MLXIP: variants seen among roughly 807,000 people sequenced by gnomAD.
MLXIP encodes MLX interacting protein, also known as MLX-interacting protein.
MLXIP carries 30 observed loss-of-function variants against 87.2 expected under a neutral mutation model. The ratio of observed to expected loss-of-function variants is 0.34; its 90% CI spans 0.26 to 0.47. The LOEUF (loss-of-function observed/expected upper bound fraction) is 0.47, where lower values mean the gene tolerates loss of function less well. Ranked by LOEUF, MLXIP falls within the 20% of genes least tolerant of loss-of-function variation. MLXIP has a pLI of 1.00. For synonymous variants in MLXIP, 530 were observed against 514.0 expected (o/e 1.03, Z -0.42); for missense variants, 1,002 against 1,240.1 (o/e 0.81, Z 2.88).
At chr12:122,125,194 T>A (rs1397235297) in intron 1 of MLXIP, among the ~76,000 whole-genome samples, 2 of 151,674 alleles carry the variant, frequency 1.3e-5, no homozygotes, top group African/African-American at 4.8e-5. Flanking sequence ...TTGGCTGATG[T>A]GGTGGTGGGC....
chr12:122,113,111 C>T (rs996764560), intron 1 of MLXIP, among the ~76,000 whole-genome samples: 1 of 152,034 alleles, frequency 6.6e-6, no homozygotes, highest in Non-Finnish European at 1.5e-5. Flanking sequence ...TAAATGTGTA[C>T]AGTGAAATAT....
chr12:122,082,300 A>G (rs1952102949), intron 1 of MLXIP, among the ~76,000 whole-genome samples: 1 of 152,206 alleles, frequency 6.6e-6, no homozygotes, highest in African/African-American at 2.4e-5. Context: ...GTGCTCAATT[A>G]TTGGGACATT....
At chr12:122,117,715 G>C (rs186295529) in intron 1 of MLXIP, among the ~76,000 whole-genome samples, 3 of 152,256 alleles carry the variant, frequency 2.0e-5, no homozygotes, top group Admixed American at 2.0e-4. Context: ...ATCTGAGGGG[G>C]TGTGTTCTAA....
chr12:122,103,153 G>A (rs966757730), intron 1 of MLXIP, among the ~76,000 whole-genome samples: 4 of 151,944 alleles, frequency 2.6e-5, no homozygotes, highest in South Asian at 2.1e-4. Flanking sequence ...ACAGGTGTAC[G>A]CCACCATGCC....
At position 122,086,289 on chromosome 12, in the gene MLXIP, G is replaced by A. The variant is rs184808161; in HGVS notation, c.413+7023G>A. On this transcript the variant is annotated intron_variant, in intron 1 of 16. Coordinates refer to ENST00000319080, the MANE Select transcript of MLXIP (RefSeq NM_014938.6). ...CGGTAATTTGTTACAGTGACAACAG[G>A]AAACTCATCTTCACTCTTCTCCCAC... Among the ~76,000 whole-genome samples, 1,163 of 149,360 alleles carry A rather than the reference G, an allele frequency of 7.8e-3. 16 individuals are homozygous for A. The highest frequency in any genetic ancestry group is 0.021 in the Middle Eastern group (6 of 292).
intron 15 of MLXIP, among the ~76,000 whole-genome samples, chr12:122,139,941 T>C (rs572123359): frequency 6.6e-6 from 1 of 152,212 alleles, no homozygotes; most frequent in Non-Finnish European, 1.5e-5. Context: ...CCCAAAGTGC[T>C]GGGATTACAG....
At chr12:122,110,609 A>G (rs911757979) in intron 1 of MLXIP, among the ~76,000 whole-genome samples, 5 of 151,900 alleles carry the variant, frequency 3.3e-5, no homozygotes, top group Non-Finnish European at 7.4e-5. Flanking sequence ...ATCTTTACCA[A>G]AAAAATTAAA....
chr12:122,095,794 T>A (rs1215976557), intron 1 of MLXIP, among the ~76,000 whole-genome samples: 7 of 151,958 alleles, frequency 4.6e-5, no homozygotes, highest in Non-Finnish European at 1.0e-4. Flanking sequence ...CTAGTGTTTA[T>A]CCTTATAGAC....
intron 1 of MLXIP, among the ~76,000 whole-genome samples, chr12:122,085,565 G>A (rs796213239): frequency 6.3e-4 from 96 of 152,122 alleles, no homozygotes; most frequent in African/African-American, 2.1e-3. Context: ...CACCATGCCC[G>A]GCTAATTTTT....
intron 1 of MLXIP, among the ~76,000 whole-genome samples, chr12:122,093,162 ATGTAGTGTG>A (rs1310915399): frequency 4.4e-4 from 53 of 121,682 alleles, no homozygotes; most frequent in Admixed American, 4.3e-3. Flanking sequence ...CGTGTAGGGT[ATGTAGTGTG>A]TGTAGTGTGT....
chr12:122,133,720 T>A lies in MLXIP; in HGVS notation c.1465T>A (p.Ser489Thr). Residue 489 changes from serine (S) to threonine (T), a missense_variant, in exon 9 of 17, where the codon TCT becomes ACT. By Grantham distance (58) the Ser-to-Thr change is moderately conservative. Transcript: ENST00000319080. This position sits in a 1 kb window ranked among gnomAD's most constrained non-coding sequence, Gnocchi z 4.9. ...KAPSVITHTA[S>T]ATLTHDAPAT... ...GCCGTCTGTCATCACCCACACGGCC[T>A]CTGCCACCCTCACCCACGATGCCCC... 1 of 1,613,688 alleles carries A rather than the reference T, an allele frequency of 6.2e-7. No individual in the cohort carries two copies. Among genetic ancestry groups the A allele is most frequent in the Non-Finnish European group, 8.5e-7 (1 of 1,179,816 alleles).
Position 122,135,778 on chromosome 12 carries a change from C to G in MLXIP, c.2032+112C>G. The stretch of plus-strand genomic sequence containing the variant: ...CCCAGGACGGAGCCTGGGCTTAGGA[C>G]ACACAGTGAGGTCTTGTAGGCCTGC... On this transcript the variant is annotated intron_variant, in intron 11 of 16. Transcript: ENST00000319080. The surrounding 1 kb of genome is among the most constrained non-coding windows in gnomAD (Gnocchi z 5.3). 1 of 1,282,290 alleles carries G rather than the reference C, an allele frequency of 7.8e-7. No homozygotes were observed. Among genetic ancestry groups the G allele is most frequent in the Non-Finnish European group, 1.0e-6 (1 of 965,692 alleles). The allele number at this position is 1,282,290 out of a possible 1,614,324, so 79.4% of individuals were successfully genotyped here.
intron 1 of MLXIP, among the ~76,000 whole-genome samples, chr12:122,090,351 A>G (rs1054067968): frequency 1.3e-5 from 2 of 152,086 alleles, no homozygotes; most frequent in African/African-American, 4.8e-5. Context: ...CAAAAAAATT[A>G]GCTGGTGTGG....
At chr12:122,101,787 G>A (rs941397015) in intron 1 of MLXIP, among the ~76,000 whole-genome samples, 2 of 151,970 alleles carry the variant, frequency 1.3e-5, no homozygotes, top group Non-Finnish European at 2.9e-5. Flanking sequence ...CACCATGTTA[G>A]TCAGGCTGGT....
chr12:122,085,491 C>A (rs1831310150), intron 1 of MLXIP, among the ~76,000 whole-genome samples: 1 of 151,220 alleles, frequency 6.6e-6, no homozygotes, highest in African/African-American at 2.4e-5. Context: ...GCAACCTCCG[C>A]CTCCTGGGTT....
chr12:122,094,494 ATGTC>A (rs1952314217), intron 1 of MLXIP, among the ~76,000 whole-genome samples: 1 of 51,506 alleles, frequency 1.9e-5, no homozygotes, highest in Non-Finnish European at 3.8e-5. Context: ...TGTGTTTGCA[ATGTC>A]TGTGTGTGTG....
chr12:122,078,834 C>T lies in MLXIP; in HGVS notation c.-20C>T, dbSNP rs1459381189. The T allele has an allele frequency of 1.4e-5, 15 of 1,056,252 alleles. No individual in the cohort carries two copies. The highest frequency in any genetic ancestry group is 1.2e-4 in the South Asian group (3 of 24,234). 65.4% of individuals were successfully genotyped at this position (1,056,252 alleles called of 1,614,324 possible). On this transcript the variant is annotated 5_prime_UTR_variant, in exon 1 of 17. Transcript: ENST00000319080. The stretch of plus-strand genomic sequence containing the variant: ...GCGTTGCCCCGGGCTCCGGGGGATG[C>T]CCCCGGCCGAGCCCTTCTCATGGCC...
Position 122,140,979 on chromosome 12 carries a change from T to C in MLXIP, c.2534T>C (p.Phe845Ser). ...TTCAGCATCATCATCAAGCCGCTGTTTGAGTCGTTCAAGGGCATGGTGTCC... is the reference window on the plus strand; with the variant it reads ...TTCAGCATCATCATCAAGCCGCTGTCTGAGTCGTTCAAGGGCATGGTGTCC... ...WIFSIIIKPL[F>S]ESFKGMVSTS... The change falls in exon 16 of 17, where the codon TTT becomes TCT. Residue 845 changes from phenylalanine to serine, a missense_variant. Physicochemically the swap from Phe to Ser is radical, Grantham distance 155. This residue lies in a region of MLXIP where 746 missense variants were observed against 897.0 expected (regional missense o/e 0.83). Coordinates refer to ENST00000319080, the MANE Select transcript of MLXIP (RefSeq NM_014938.6). 1 of 1,614,006 alleles carries C rather than the reference T, an allele frequency of 6.2e-7. No individual in the cohort carries two copies. Among genetic ancestry groups the C allele is most frequent in the Non-Finnish European group, 8.5e-7 (1 of 1,179,888 alleles).
chr12:122,129,873 A>G, intron 5 of MLXIP, 68 bp from the exon 6 acceptor site: 3 of 1,548,622 alleles, frequency 1.9e-6, no homozygotes, highest in Non-Finnish European at 1.8e-6. Flanking sequence ...CCCAGGTGAC[A>G]GGCGTGGGAA....
Sources: gnomAD v4.1 joint callset for allele counts (sites outside exome capture counted in the v4.1 genomes callset) on GRCh38, gnomAD v4.1.1 for gene constraint, gnomAD v4.1.1 regional missense constraint, Gnocchi (gnomAD v3.1) non-coding constraint, MANE v1.5 for transcripts, NCBI Gene and HGNC (gene_info 2026-07-23, HGNC 2026-07-21) for gene names.